Variants in PJA2 observed in about 807,000 individuals in gnomAD.
The protein encoded by PJA2 is E3 ubiquitin-protein ligase Praja-2.
A neutral mutation model predicts 69.3 loss-of-function variants in PJA2; 25 were observed. The ratio of observed to expected loss-of-function variants is 0.36; its 90% CI spans 0.26 to 0.50. PJA2 has a LOEUF of 0.50. Ranked by LOEUF, PJA2 falls within the 20% of genes least tolerant of loss-of-function variation. PJA2 has a pLI of 0.96. For missense variants in PJA2, 809 were observed against 830.2 expected (o/e 0.97, Z 0.31); for synonymous variants, 308 against 277.8 (o/e 1.11, Z -1.08).
At chr5:109,342,405 GC>G (rs1762086512) in intron 9 of PJA2, among the ~76,000 whole-genome samples, 1 of 119,602 alleles carries the variant, frequency 8.4e-6, no homozygotes, top group Non-Finnish European at 1.7e-5. Context: ...CCGGCCAGCC[GC>G]CCGGTCCGGG....
At chr5:109,409,026 G>A (rs1238173565) in intron 1 of PJA2, 2 of 152,040 alleles carry the variant, frequency 1.3e-5, no homozygotes, top group East Asian at 3.9e-4. Context: ...AATGTCCGGA[G>A]AAGGAACTCT....
At chr5:109,388,568 G>C (rs188040421) in intron 1 of PJA2, among the ~76,000 whole-genome samples, 1 of 152,156 alleles carries the variant, frequency 6.6e-6, no homozygotes, top group Non-Finnish European at 1.5e-5. Flanking sequence ...ACAAAAATCA[G>C]CTAAACTTCC....
At chr5:109,354,026 T>C (rs1335819848) in intron 7 of PJA2, among the ~76,000 whole-genome samples, 1 of 145,092 alleles carries the variant, frequency 6.9e-6, no homozygotes, top group Admixed American at 6.8e-5. Flanking sequence ...ATATCTATGA[T>C]ATCTAGAGAT....
At chr5:109,369,085 T>C (rs1055044002) in intron 4 of PJA2, among the ~76,000 whole-genome samples, 7 of 152,170 alleles carry the variant, frequency 4.6e-5, no homozygotes, top group Admixed American at 1.3e-4. Context: ...TCCACCATGA[T>C]TGGAAGCTTC....
intron 3 of PJA2, among the ~76,000 whole-genome samples, chr5:109,380,689 C>T (rs765187358): frequency 2.2e-4 from 34 of 151,244 alleles, no homozygotes; most frequent in Non-Finnish European, 3.8e-4. Context: ...CCTGTAGTCC[C>T]AGCTACTTGG....
intron 1 of PJA2, among the ~76,000 whole-genome samples, chr5:109,396,731 T>G (rs1422279211): frequency 3.7e-4 from 41 of 111,308 alleles, no homozygotes; most frequent in African/African-American, 1.2e-3. Flanking sequence ...GCCTAACATG[T>G]AAAGTTCTAA....
In PJA2 at chr5:109,365,696, A is replaced by C. The variant is rs77817427; in HGVS notation, c.1470-2674T>G. The stretch of plus-strand genomic sequence containing the variant: ...TCATTAAATATTTCCAAAGCACTCA[A>C]ACTTGTGTCATTAAATCTGTATTCA... On this transcript the variant is annotated intron_variant, in intron 5 of 9. Transcript: ENST00000361189. 7.9e-3 allele frequency among the ~76,000 whole-genome samples: 1,199 copies of C among 152,256 alleles called. 14 individuals are homozygous for C. The highest frequency in any genetic ancestry group is 0.027 in the African/African-American group (1,124 of 41,554).
At chr5:109,352,629 A>G (rs939777444) in intron 7 of PJA2, among the ~76,000 whole-genome samples, 5 of 152,094 alleles carry the variant, frequency 3.3e-5, no homozygotes, top group Non-Finnish European at 7.4e-5. Context: ...TTACTTTGAG[A>G]AAAACACTCA....
intron 1 of PJA2, among the ~76,000 whole-genome samples, chr5:109,408,949 T>G (rs954949534): frequency 6.6e-6 from 1 of 152,136 alleles, no homozygotes; most frequent in African/African-American, 2.4e-5. Context: ...GCAATGAAAA[T>G]TTTAAACTTC....
rs1278712701 is a variant in PJA2 at position 109,362,977 on chromosome 5, G to A, written c.1515C>T (p.Tyr505=). The A allele has an allele frequency of 1.9e-6, 3 of 1,609,362 alleles. No individual in the cohort carries two copies. Among genetic ancestry groups the A allele is most frequent in the Non-Finnish European group, 2.6e-6 (3 of 1,176,358 alleles). The part of the protein sequence containing the change: ...LEEGEIPWLQ[Y]NEVNESSSDE... Reference sequence around the variant, plus strand: ...CACTGCTGCTTTCATTGACTTCATTGTACTGTAACCAAGGAATTTCTCCCT... The same window carrying A: ...CACTGCTGCTTTCATTGACTTCATTATACTGTAACCAAGGAATTTCTCCCT... Residue 505 remains tyrosine (Y), a synonymous_variant, in exon 6 of 10, where the codon TAC becomes TAT. Transcript: ENST00000361189.
chr5:109,389,251 A>C (rs73209522), intron 1 of PJA2, among the ~76,000 whole-genome samples: 2,999 of 152,244 alleles, frequency 0.02, 90 homozygotes, highest in African/African-American at 0.068. Context: ...AATGTAAGGC[A>C]GATTTGTCAG....
chr5:109,380,960 C>T (rs1193076065), intron 3 of PJA2, among the ~76,000 whole-genome samples: 1 of 151,676 alleles, frequency 6.6e-6, no homozygotes, highest in South Asian at 2.1e-4. Flanking sequence ...ACTAAAAATA[C>T]AAAAATTAGC....
chr5:109,390,074 AT>A (rs1159969885), intron 1 of PJA2, among the ~76,000 whole-genome samples: 1 of 152,018 alleles, frequency 6.6e-6, no homozygotes, highest in East Asian at 1.9e-4. Context: ...GTTGTTGAAT[AT>A]AATGTTCTAT....
At chr5:109,346,832 T>C (rs908466023) in intron 7 of PJA2, among the ~76,000 whole-genome samples, 2 of 152,174 alleles carry the variant, frequency 1.3e-5, no homozygotes, top group Non-Finnish European at 2.9e-5. Context: ...TAAAAAACTG[T>C]AGCAATAGTA....
Position 109,334,798 on chromosome 5 carries a change from C to A in PJA2, c.*2433G>T, listed in dbSNP as rs1761909412. 1 of 152,416 alleles carries A rather than the reference C, an allele frequency of 6.6e-6. No homozygotes were observed. Among genetic ancestry groups the A allele is most frequent in the Non-Finnish European group, 1.5e-5 (1 of 68,006 alleles). 9.4% of individuals were successfully genotyped at this position (152,416 alleles called of 1,614,324 possible). A position where few individuals can be genotyped will look rare whatever the true frequency, so the allele number is the denominator to read the frequency against. On this transcript the variant is annotated 3_prime_UTR_variant, in exon 10 of 10. Transcript: ENST00000361189. ...TGGGGTTATAGAACAATAAACCAAC[C>A]ATTACATTTAGACCTGGGCTTTTGA...
intron 1 of PJA2, among the ~76,000 whole-genome samples, chr5:109,403,609 C>G: frequency 6.6e-6 from 1 of 151,370 alleles, no homozygotes; most frequent in East Asian, 1.9e-4. Context: ...GATAATACAC[C>G]ATCACCAAGT....
chr5:109,345,180 T>TAAAAAAA (rs60910860), intron 7 of PJA2, among the ~76,000 whole-genome samples: 1 of 103,982 alleles, frequency 9.6e-6, no homozygotes, highest in African/African-American at 3.8e-5. Flanking sequence ...CCGTCTCTAG[T>TAAAAAAA]AAAAAAAAAA....
intron 6 of PJA2, among the ~76,000 whole-genome samples, chr5:109,362,312 A>G (rs1021607985): frequency 5.3e-5 from 8 of 152,362 alleles, no homozygotes; most frequent in African/African-American, 1.9e-4. Context: ...CTTCACTTAC[A>G]TGTTACTTTC....
intron 5 of PJA2, among the ~76,000 whole-genome samples, chr5:109,368,203 C>T (rs1418163308): frequency 6.6e-6 from 1 of 152,200 alleles, no homozygotes; most frequent in Non-Finnish European, 1.5e-5. Flanking sequence ...CTAACTGTCT[C>T]CATTTCTGTG....
Sources: gnomAD v4.1 joint callset for allele counts (sites outside exome capture counted in the v4.1 genomes callset) on GRCh38, gnomAD v4.1.1 for gene constraint, MANE v1.5 for transcripts, NCBI Gene and HGNC (gene_info 2026-07-23, HGNC 2026-07-21) for gene names.